The following FNDC3A variants were observed in gnomAD, a reference collection of about 807,000 sequenced individuals.
FNDC3A encodes the protein fibronectin type-III domain-containing protein 3A.
In FNDC3A, 32 loss-of-function variants were observed where a neutral mutation model predicts 148.9. The ratio of observed to expected loss-of-function variants is 0.21; its 90% confidence interval spans 0.16 to 0.29. The LOEUF (loss-of-function observed/expected upper bound fraction) is 0.29, where lower values mean the gene tolerates loss of function less well. Among genes scored for constraint, FNDC3A ranks in the 10% least tolerant of loss-of-function variants. The probability of loss-of-function intolerance (pLI) is 1.00; values close to 1 mark genes in which losing one functional copy is unlikely to be tolerated. For missense variants in FNDC3A, 1,191 were observed against 1,452.8 expected (o/e 0.82, Z 2.93); for synonymous variants, 472 against 473.6 (o/e 1.00, Z 0.04).
chr13:49,158,217 C>CT (rs1337668362), intron 8 of FNDC3A, among the ~76,000 whole-genome samples: 1 of 152,198 alleles, frequency 6.6e-6, no homozygotes, highest in Non-Finnish European at 1.5e-5. Flanking sequence ...AGGATATAAT[C>CT]TCGTGGTGCG....
In FNDC3A at chr13:49,187,115, TG is replaced by T; in HGVS notation, c.1757-5del. 1 of 1,608,886 alleles carries T rather than the reference TG, an allele frequency of 6.2e-7. No individual in the cohort carries two copies. Among genetic ancestry groups the T allele is most frequent in the Non-Finnish European group, 8.5e-7 (1 of 1,176,158 alleles). On this transcript the variant is annotated splice_region_variant and splice_polypyrimidine_tract_variant and intron_variant, in intron 15 of 25. Transcript: ENST00000492622. ...CTTGCCTAATACTACTTTGCTTCTTTGGATAGATCCACCAAAAGACAATGGC... is the reference window on the plus strand; with the variant it reads ...CTTGCCTAATACTACTTTGCTTCTTTGATAGATCCACCAAAAGACAATGGC...
chr13:49,190,518 T>TA (rs1411621758), intron 17 of FNDC3A, among the ~76,000 whole-genome samples: 7 of 152,264 alleles, frequency 4.6e-5, no homozygotes, highest in Non-Finnish European at 8.8e-5. Flanking sequence ...ACCCCATCTC[T>TA]AAAAATAAAT....
chr13:49,197,019 A>G (rs76367105), intron 20 of FNDC3A, 29 bp downstream of exon 20: 2 of 1,310,352 alleles, frequency 1.5e-6, no homozygotes, highest in African/African-American at 1.5e-5. Context: ...ACTTGTATCT[A>G]CTTTCTTAAG....
At chr13:49,080,725 GA>G (rs1459337719) in intron 3 of FNDC3A, among the ~76,000 whole-genome samples, 47 of 152,168 alleles carry the variant, frequency 3.1e-4, no homozygotes. Context: ...GAAGAGTTAT[GA>G]AAAATAGGGA....
chr13:49,024,352 A>G (rs1418893103), intron 2 of FNDC3A, among the ~76,000 whole-genome samples: 1 of 151,976 alleles, frequency 6.6e-6, no homozygotes, highest in Non-Finnish European at 1.5e-5. Flanking sequence ...TAAAGCAGAA[A>G]GAACTGTTCC....
In FNDC3A at chr13:49,057,674, T is replaced by G. The variant is rs1274141810; in HGVS notation, c.100-17615T>G. On this transcript the variant is annotated intron_variant, in intron 2 of 25. Coordinates refer to ENST00000492622, the MANE Select transcript of FNDC3A (RefSeq NM_001079673.2). Reference sequence around the variant, plus strand: ...TTAATGCATTAGTTTTCTACCTTATTTAATATACTAATAATGAAATTTTAA... The same window carrying G: ...TTAATGCATTAGTTTTCTACCTTATGTAATATACTAATAATGAAATTTTAA... 2.6e-5 allele frequency among the ~76,000 whole-genome samples: 4 copies of G among 152,146 alleles called. No homozygotes were observed. In the East Asian group the frequency reaches 7.7e-4, roughly 29 times the overall value.
chr13:49,077,573 T>A (rs1693351554), intron 3 of FNDC3A, among the ~76,000 whole-genome samples: 1 of 152,150 alleles, frequency 6.6e-6, no homozygotes, highest in African/African-American at 2.4e-5. Flanking sequence ...AAAATTTCTC[T>A]CTAAGTTGAA....
At chr13:49,130,679 A>T (rs1881974657) in intron 4 of FNDC3A, among the ~76,000 whole-genome samples, 3 of 152,220 alleles carry the variant, frequency 2.0e-5, no homozygotes, top group Admixed American at 2.0e-4. Context: ...GCTAATTTAC[A>T]TGTACCAATA....
chr13:49,008,177 G>A (rs529275908), intron 2 of FNDC3A, among the ~76,000 whole-genome samples: 2 of 152,136 alleles, frequency 1.3e-5, no homozygotes, highest in Admixed American at 6.5e-5. Flanking sequence ...TCAATAAATA[G>A]AGATAGTTAT....
intron 2 of FNDC3A, among the ~76,000 whole-genome samples, chr13:49,037,708 A>G (rs114147318): frequency 0.019 from 2,848 of 152,302 alleles, 94 homozygotes; most frequent in African/African-American, 0.063. Context: ...AGTACATGCA[A>G]CAGAGGCATG....
chr13:49,075,351 T>G lies in FNDC3A; in HGVS notation c.162T>G (p.Phe54Leu), dbSNP rs1405070625. The G allele has an allele frequency of 1.9e-6, 3 of 1,592,324 alleles. No homozygotes were observed. In the African/African-American group the frequency reaches 4.0e-5, roughly 21 times the overall value. Residue 54 changes from phenylalanine to leucine, a missense_variant, in exon 3 of 26, where the codon TTT becomes TTG. Physicochemically the swap from Phe to Leu is conservative, Grantham distance 22. Around this residue, in one of 3 missense-constraint regions of FNDC3A, gnomAD observed 426 missense variants for 473.2 expected, o/e 0.90. Transcript: ENST00000492622. ...AFTIRREDGQFQCITGPAQVP... is the reference protein window; with the variant it reads ...AFTIRREDGQLQCITGPAQVP... ...CAATAAGAAGAGAAGATGGACAGTTTCAGTGCATTACAGGTAAGAATGGTA... is the reference window on the plus strand; with the variant it reads ...CAATAAGAAGAGAAGATGGACAGTTGCAGTGCATTACAGGTAAGAATGGTA...
At chr13:49,192,402 C>T (rs1885932002) in intron 19 of FNDC3A, among the ~76,000 whole-genome samples, 1 of 152,086 alleles carries the variant, frequency 6.6e-6, no homozygotes, top group Non-Finnish European at 1.5e-5. Flanking sequence ...TCAGGTGACC[C>T]TTCTACCTCA....
intron 13 of FNDC3A, 28 bp downstream of exon 13, chr13:49,175,569 T>G: frequency 6.7e-7 from 1 of 1,484,758 alleles, no homozygotes; most frequent in Non-Finnish European, 9.2e-7. Flanking sequence ...TTTTAAATAG[T>G]GTATTTAAAA....
intron 8 of FNDC3A, among the ~76,000 whole-genome samples, chr13:49,155,435 G>C (rs199741140): frequency 6.8e-6 from 1 of 147,570 alleles, no homozygotes; most frequent in Non-Finnish European, 1.5e-5. Context: ...TCTTGCTAGC[G>C]GTCTATCTAT....
chr13:49,197,898 A>G (rs1208601136), intron 21 of FNDC3A, 24 bp downstream of exon 21: 1 of 1,591,244 alleles, frequency 6.3e-7, no homozygotes, highest in South Asian at 1.1e-5. Context: ...GTACCTTGTC[A>G]CTTAACTCTA....
At chr13:48,995,219 C>A (rs1566179612) in intron 1 of FNDC3A, among the ~76,000 whole-genome samples, 1 of 151,932 alleles carries the variant, frequency 6.6e-6, no homozygotes, top group Admixed American at 6.6e-5. Flanking sequence ...GAGTGAAAGG[C>A]CTTTTTATTT....
intron 1 of FNDC3A, among the ~76,000 whole-genome samples, chr13:49,003,393 C>A (rs538420800): frequency 6.6e-6 from 1 of 152,084 alleles, no homozygotes; most frequent in South Asian, 2.1e-4. Flanking sequence ...AGAGTATATT[C>A]AAGTCTCTTG....
At chr13:49,192,598 A>C (rs547785871) in intron 19 of FNDC3A, among the ~76,000 whole-genome samples, 1 of 152,176 alleles carries the variant, frequency 6.6e-6, no homozygotes, top group Non-Finnish European at 1.5e-5. Context: ...TGCCCGGCCT[A>C]AATTTCTTAT....
intron 2 of FNDC3A, among the ~76,000 whole-genome samples, chr13:49,016,556 C>T (rs2137628339): frequency 6.6e-6 from 1 of 152,232 alleles, no homozygotes; most frequent in Non-Finnish European, 1.5e-5. Flanking sequence ...AAACCAGCTC[C>T]TGGATTCATT....
Sources: allele counts gnomAD v4.1 joint callset (sites outside exome capture counted in the v4.1 genomes callset), GRCh38; gene constraint gnomAD v4.1.1; regional missense constraint gnomAD v4.1.1; transcripts MANE v1.5; gene names NCBI Gene and HGNC (gene_info 2026-07-23, HGNC 2026-07-21).